WWOX: variants seen among roughly 807,000 people sequenced by gnomAD.
The protein encoded by WWOX is WW domain-containing oxidoreductase.
WWOX carries 69 observed loss-of-function variants against 46.2 expected under a neutral mutation model. The ratio of observed to expected loss-of-function variants is 1.49; its 90% confidence interval spans 1.23 to 1.82. The LOEUF is 1.82. Among genes scored for constraint, WWOX ranks in the 40% most tolerant of loss-of-function variants. The probability of loss-of-function intolerance (pLI) is 0.00; values close to 1 mark genes in which losing one functional copy is unlikely to be tolerated. For missense variants in WWOX, 919 were observed against 542.6 expected (o/e 1.69, Z -6.89); for synonymous variants, 359 against 202.6 (o/e 1.77, Z -6.56).
In WWOX at chr16:78,168,207, C is replaced by T. The variant is rs977450476; in HGVS notation, c.516+3918C>T. The T allele has an allele frequency of 4.6e-5, 7 of 152,340 alleles. No individual in the cohort carries two copies. In the East Asian group the frequency reaches 5.8e-4, roughly 13 times the overall value. The allele number at this position is 152,340 out of a possible 1,614,324, so 9.4% of individuals were successfully genotyped here. The stretch of plus-strand genomic sequence containing the variant: ...CTGCTTCTGGAGATAAGAGTTCATT[C>T]CTCCATCCCAACTTGTTCTTCCCTG... On this transcript the variant is annotated intron_variant, in intron 5 of 8. Coordinates refer to ENST00000566780, the MANE Select transcript of WWOX (RefSeq NM_016373.4).
intron 4 of WWOX, among the ~76,000 whole-genome samples, chr16:78,125,421 A>G (rs2033319830): frequency 3.3e-5 from 5 of 152,164 alleles, no homozygotes; most frequent in African/African-American, 2.4e-5. Flanking sequence ...CAGCTCATTC[A>G]TTTTGTTAAT....
intron 8 of WWOX, among the ~76,000 whole-genome samples, chr16:78,733,149 T>C (rs1436036831): frequency 1.3e-5 from 2 of 152,372 alleles, no homozygotes; most frequent in African/African-American, 4.8e-5. Context: ...TATTTACTTA[T>C]GTTTTTATGC....
At chr16:78,730,719 C>G (rs375943824) in intron 8 of WWOX, among the ~76,000 whole-genome samples, 6 of 151,460 alleles carry the variant, frequency 4.0e-5, no homozygotes, top group South Asian at 2.1e-4. Flanking sequence ...CTTATCCTCC[C>G]AAAGTGCTGG....
intron 7 of WWOX, among the ~76,000 whole-genome samples, chr16:78,431,763 C>G (rs13338942): frequency 0.02 from 3,018 of 151,338 alleles, 46 homozygotes; most frequent in African/African-American, 0.043. Context: ...GTTGCCCAGG[C>G]TAGAGTTCAG....
At chr16:78,125,291 C>T (rs117975610) in intron 4 of WWOX, among the ~76,000 whole-genome samples, 1,678 of 152,190 alleles carry the variant, frequency 0.011, 14 homozygotes, top group Non-Finnish European at 0.019. Context: ...TCTTGGGCGG[C>T]GGGTGCCTGC....
intron 8 of WWOX, among the ~76,000 whole-genome samples, chr16:78,473,129 T>G (rs1002189405): frequency 3.9e-5 from 6 of 152,232 alleles, no homozygotes; most frequent in Non-Finnish European, 8.8e-5. Context: ...TTATCTTTTA[T>G]GTAATGTTTG....
chr16:78,811,660 C>G (rs1337570907), intron 8 of WWOX, among the ~76,000 whole-genome samples: 1 of 152,084 alleles, frequency 6.6e-6, no homozygotes, highest in African/African-American at 2.4e-5. Context: ...CATGAGCCAT[C>G]ATGCCCAGCC....
intron 5 of WWOX, among the ~76,000 whole-genome samples, chr16:78,327,298 G>A (rs1018153100): frequency 6.6e-6 from 1 of 152,156 alleles, no homozygotes; most frequent in South Asian, 2.1e-4. Flanking sequence ...CTTTGCACCA[G>A]TGTCCCTAAA....
intron 8 of WWOX, among the ~76,000 whole-genome samples, chr16:78,823,801 G>C (rs1319123172): frequency 6.7e-6 from 1 of 150,068 alleles, no homozygotes; most frequent in Non-Finnish European, 1.5e-5. Flanking sequence ...TTTTAAGACA[G>C]AATCTTGTTC....
chr16:78,852,734 A>G (rs146762251), intron 8 of WWOX, among the ~76,000 whole-genome samples: 87 of 152,324 alleles, frequency 5.7e-4, no homozygotes, highest in African/African-American at 2.0e-3. Flanking sequence ...TGCCTACAGG[A>G]TAAATAATGT....
chr16:78,969,198 C>G (rs186076214), intron 8 of WWOX, among the ~76,000 whole-genome samples: 2 of 151,962 alleles, frequency 1.3e-5, no homozygotes, highest in African/African-American at 4.8e-5. Context: ...CTAGCATGCT[C>G]CTTTGCTACC....
At chr16:78,729,059 C>T (rs571258619) in intron 8 of WWOX, among the ~76,000 whole-genome samples, 1 of 152,100 alleles carries the variant, frequency 6.6e-6, no homozygotes, top group African/African-American at 2.4e-5. Context: ...CTAAAGACAT[C>T]CTGCTGGTTT....
intron 8 of WWOX, among the ~76,000 whole-genome samples, chr16:78,448,450 G>A (rs1433101979): frequency 1.3e-5 from 2 of 152,132 alleles, no homozygotes; most frequent in Non-Finnish European, 2.9e-5. Context: ...CTCACAGGCT[G>A]CATTCAAGGT....
intron 8 of WWOX, among the ~76,000 whole-genome samples, chr16:78,558,315 G>T (rs1453026181): frequency 6.6e-6 from 1 of 152,250 alleles, no homozygotes; most frequent in East Asian, 1.9e-4. Context: ...GCTTGTGGAT[G>T]TCTTTGGTTT....
intron 8 of WWOX, among the ~76,000 whole-genome samples, chr16:78,864,247 T>G (rs1016983098): frequency 6.6e-6 from 1 of 151,864 alleles, no homozygotes; most frequent in African/African-American, 2.4e-5. Context: ...TAATACAGAA[T>G]GGAGCCCTTT....
intron 5 of WWOX, chr16:78,237,239 A>G (rs1306471877): frequency 6.6e-6 from 1 of 152,196 alleles, no homozygotes; most frequent in Non-Finnish European, 1.5e-5. Context: ...TGTGTAATGG[A>G]AATGAGAAGT....
chr16:78,204,172 C>G (rs528915251), intron 5 of WWOX, among the ~76,000 whole-genome samples: 2 of 152,320 alleles, frequency 1.3e-5, no homozygotes, highest in African/African-American at 2.4e-5. Context: ...TTGGAGAGAA[C>G]AAGAATGTGA....
chr16:79,126,063 G>A (rs564729777), intron 8 of WWOX, among the ~76,000 whole-genome samples: 3 of 152,236 alleles, frequency 2.0e-5, no homozygotes, highest in East Asian at 1.9e-4. Context: ...GATCCCTTGT[G>A]TTAAATATGG....
intron 8 of WWOX, among the ~76,000 whole-genome samples, chr16:78,937,817 C>A (rs1166577715): frequency 6.6e-6 from 1 of 151,172 alleles, no homozygotes; most frequent in Non-Finnish European, 1.5e-5. Context: ...AAATAGAGGT[C>A]TGTTTTTACT....
Sources: allele counts gnomAD v4.1 joint callset (sites outside exome capture counted in the v4.1 genomes callset), GRCh38; gene constraint gnomAD v4.1.1; transcripts MANE v1.5; gene names NCBI Gene and HGNC (gene_info 2026-07-23, HGNC 2026-07-21).